CDC42EP3: variants seen among roughly 807,000 people sequenced by gnomAD.
CDC42EP3 encodes CDC42 effector protein (Rho GTPase binding) 3.
CDC42EP3 carries 4 observed loss-of-function variants against 15.5 expected under a neutral mutation model. The ratio of observed to expected loss-of-function variants is 0.26; its 90% CI spans 0.13 to 0.59. The LOEUF (loss-of-function observed/expected upper bound fraction) is 0.59. Ranked by LOEUF, CDC42EP3 falls within the 20% of genes least tolerant of loss-of-function variation. CDC42EP3 has a pLI of 0.89. For missense variants in CDC42EP3, 309 were observed against 311.2 expected (o/e 0.99, Z 0.05); for synonymous variants, 145 against 130.3 (o/e 1.11, Z -0.77).
Position 37,649,445 on chromosome 2 carries a change from C to CAA in CDC42EP3, c.-235-2625_-235-2624dup, listed in dbSNP as rs57232687. Among the ~76,000 whole-genome samples the CAA allele has an allele frequency of 1.2e-3, 56 of 48,174 alleles. 1 individual carries two copies. Among genetic ancestry groups the CAA allele is most frequent in the African/African-American group, 2.7e-3 (37 of 13,554 alleles). 31.6% of individuals were successfully genotyped at this position (48,174 alleles called of 152,430 possible). A position where few individuals can be genotyped will look rare whatever the true frequency, so the allele number is the denominator to read the frequency against. On this transcript the variant is annotated intron_variant, in intron 1 of 1. Transcript: ENST00000295324. ...ACTACAGCCTAGCAAGGCCTTGTCT[C>CAA]AAAAAAAAAAAAAAAAAAAAAAAAA... is the stretch of plus-strand genomic sequence containing the variant.
chr2:37,669,253 AATC>A (rs1666334572), intron 1 of CDC42EP3, among the ~76,000 whole-genome samples: 1 of 144,386 alleles, frequency 6.9e-6, no homozygotes, highest in South Asian at 2.1e-4. Context: ...AAAAAAAAAA[AATC>A]TTTGGGTGAT....
chr2:37,660,988 A>C (rs1180906911), intron 1 of CDC42EP3, among the ~76,000 whole-genome samples: 6 of 152,194 alleles, frequency 3.9e-5, no homozygotes, highest in Non-Finnish European at 7.3e-5. Context: ...GAAGAGCCTA[A>C]GGTCCTGAAA....
intron 1 of CDC42EP3, among the ~76,000 whole-genome samples, chr2:37,658,233 T>C (rs6709067): frequency 0.29 from 43,528 of 152,122 alleles, 6,728 homozygotes; most frequent in East Asian, 0.59. Flanking sequence ...ATACAGTCCA[T>C]GATGAGATAA....
At chr2:37,670,975 C>A (rs1666397658) in intron 1 of CDC42EP3, among the ~76,000 whole-genome samples, 1 of 152,236 alleles carries the variant, frequency 6.6e-6, no homozygotes, top group South Asian at 2.1e-4. Context: ...CTAACAATGT[C>A]CTCCATTAAG....
At chr2:37,657,001 C>CCCCCCCCCCCCCCCCCCCG (rs1208218676) in intron 1 of CDC42EP3, among the ~76,000 whole-genome samples, 9 of 103,266 alleles carry the variant, frequency 8.7e-5, no homozygotes, top group South Asian at 8.1e-4. Context: ...CCCCCCGCCC[C>CCCCCCCCCCCCCCCCCCCG]CCGCCATCCT....
chr2:37,653,796 T>C (rs573321633), intron 1 of CDC42EP3, among the ~76,000 whole-genome samples: 1 of 151,228 alleles, frequency 6.6e-6, no homozygotes, highest in African/African-American at 2.4e-5. Flanking sequence ...GCAAAACAGG[T>C]TGCAGTGTTA....
At chr2:37,669,498 G>C (rs1401586139) in intron 1 of CDC42EP3, among the ~76,000 whole-genome samples, 1 of 152,192 alleles carries the variant, frequency 6.6e-6, no homozygotes, top group African/African-American at 2.4e-5. Flanking sequence ...AGCAAAAAGT[G>C]TGCAACACTT....
chr2:37,642,265 A>C lies in CDC42EP3; in HGVS notation c.*3558T>G, dbSNP rs1053573099. ...GAAATACATGTATTGCTTAGCCAGT[A>C]CCAATAAGTTAACGTCGTGTGAATA... On this transcript the variant is annotated 3_prime_UTR_variant, in exon 2 of 2. Transcript: ENST00000295324. The C allele has an allele frequency of 5.9e-5, 9 of 152,240 alleles. No individual in the cohort carries two copies. The highest frequency in any genetic ancestry group is 2.2e-4 in the African/African-American group (9 of 41,464). The allele number at this position is 152,240 out of a possible 1,614,324, so 9.4% of individuals were successfully genotyped here. A position where few individuals can be genotyped will look rare whatever the true frequency, so the allele number is the denominator to read the frequency against.
At chr2:37,660,412 G>A (rs1346781275) in intron 1 of CDC42EP3, among the ~76,000 whole-genome samples, 2 of 152,118 alleles carry the variant, frequency 1.3e-5, no homozygotes, top group African/African-American at 2.4e-5. Context: ...TTCAGTTGGG[G>A]CTCTTCCAGC....
rs902143295 is a variant in CDC42EP3, at chr2:37,642,226, A to G, written c.*3597T>C. On this transcript the variant is annotated 3_prime_UTR_variant, in exon 2 of 2. Coordinates refer to ENST00000295324, the MANE Select transcript of CDC42EP3 (RefSeq NM_006449.5). ...GTGTCCATAAATCAACCAAAAGACCATCTCCTCCTTTAGGAAATACATGTA... is the reference window on the plus strand; with the variant it reads ...GTGTCCATAAATCAACCAAAAGACCGTCTCCTCCTTTAGGAAATACATGTA... 2 of 152,250 alleles carry G rather than the reference A, an allele frequency of 1.3e-5. No individual in the cohort carries two copies. Among genetic ancestry groups the G allele is most frequent in the African/African-American group, 4.8e-5 (2 of 41,460 alleles). The allele number at this position is 152,250 out of a possible 1,614,324, so 9.4% of individuals were successfully genotyped here.
Position 37,646,124 on chromosome 2 carries a change from T to C in CDC42EP3, c.464A>G (p.Glu155Gly), listed in dbSNP as rs771533753. 1 of 1,614,222 alleles carries C rather than the reference T, an allele frequency of 6.2e-7. No homozygotes were observed. Among genetic ancestry groups the C allele is most frequent in the South Asian group, 1.1e-5 (1 of 91,082 alleles). Residue 155 changes from glutamate (E) to glycine (G), a missense_variant, in exon 2 of 2, where the codon GAG becomes GGG. Physicochemically the swap from Glu to Gly is moderately conservative, Grantham distance 98. Transcript: ENST00000295324. ...CCCATTCTCCAACAGACTGCTTTTCTCCTGAGCTTTTTCCTCCATGACGGG... is the reference window on the plus strand; with the variant it reads ...CCCATTCTCCAACAGACTGCTTTTCCCCTGAGCTTTTTCCTCCATGACGGG... ...CEPVMEEKAQ[E>G]KSSLLENGTV... is the part of the protein sequence containing the mutation.
At chr2:37,659,160 G>C (rs1665975945) in intron 1 of CDC42EP3, among the ~76,000 whole-genome samples, 1 of 152,188 alleles carries the variant, frequency 6.6e-6, no homozygotes, top group South Asian at 2.1e-4. Flanking sequence ...CTGGGAGAGA[G>C]AACGGAGATC....
rs1003705715 is a variant in CDC42EP3 at position 37,671,591 on chromosome 2, G to A, written c.-401C>T. On this transcript the variant is annotated 5_prime_UTR_variant, in exon 1 of 2. Transcript: ENST00000295324. ...GCCCCAGGCCGGTGGCCGGGTCTCC[G>A]GGCTAGCCCCGCGCTGCGGTCCCCC... 3 of 152,188 alleles carry A rather than the reference G, an allele frequency of 2.0e-5. No individual in the cohort carries two copies. Among genetic ancestry groups the A allele is most frequent in the Non-Finnish European group, 4.4e-5 (3 of 68,004 alleles). 9.4% of individuals were successfully genotyped at this position (152,188 alleles called of 1,614,324 possible). A position where few individuals can be genotyped will look rare whatever the true frequency, so the allele number is the denominator to read the frequency against.
chr2:37,641,986 A>G lies in CDC42EP3; in HGVS notation c.*3837T>C, dbSNP rs571517761. On this transcript the variant is annotated 3_prime_UTR_variant, in exon 2 of 2. Transcript: ENST00000295324. ...TTCATTGTGTTATACATCACTTCATAAAGTAAGCATAGTTCCCATTCTTCC... is the reference window on the plus strand; with the variant it reads ...TTCATTGTGTTATACATCACTTCATGAAGTAAGCATAGTTCCCATTCTTCC... 1 of 152,318 alleles carries G rather than the reference A, an allele frequency of 6.6e-6. No individual in the cohort carries two copies. The highest frequency in any genetic ancestry group is 6.5e-5 in the Admixed American group (1 of 15,296). 9.4% of individuals were successfully genotyped at this position (152,318 alleles called of 1,614,324 possible). A position where few individuals can be genotyped will look rare whatever the true frequency, so the allele number is the denominator to read the frequency against.
intron 1 of CDC42EP3, among the ~76,000 whole-genome samples, chr2:37,650,320 T>A (rs897802516): frequency 6.6e-6 from 1 of 152,226 alleles, no homozygotes. Context: ...TTTCCCCTTC[T>A]GCTTCCTGGG....
In CDC42EP3 at chr2:37,660,114, A is replaced by G. The variant is rs148447745; in HGVS notation, c.-236+11312T>C. 2.9e-3 allele frequency among the ~76,000 whole-genome samples: 438 copies of G among 152,366 alleles called. 2 individuals are homozygous for G. The highest frequency in any genetic ancestry group is 0.01 in the African/African-American group (419 of 41,592). ...CTACAGTGCTATGTAAACACAAGGC[A>G]TTATCTTTTCCCCAAATGAGACCAG... On this transcript the variant is annotated intron_variant, in intron 1 of 1. Coordinates refer to ENST00000295324, the MANE Select transcript of CDC42EP3 (RefSeq NM_006449.5).
At chr2:37,657,001 C>CCCCTG (rs1208218676) in intron 1 of CDC42EP3, among the ~76,000 whole-genome samples, 2 of 103,278 alleles carry the variant, frequency 1.9e-5, no homozygotes, top group East Asian at 1.1e-3. Flanking sequence ...CCCCCCGCCC[C>CCCCTG]CCGCCATCCT....
chr2:37,652,635 G>A (rs998832042), intron 1 of CDC42EP3, among the ~76,000 whole-genome samples: 1 of 152,150 alleles, frequency 6.6e-6, no homozygotes, highest in Non-Finnish European at 1.5e-5. Flanking sequence ...CATGATCACA[G>A]CTCACTGCAG....
chr2:37,659,836 T>C (rs1193390114), intron 1 of CDC42EP3, among the ~76,000 whole-genome samples: 2 of 152,178 alleles, frequency 1.3e-5, no homozygotes, highest in Admixed American at 6.5e-5. Context: ...AGATCAGATA[T>C]GTGGGGAAAA....
Sources: allele counts gnomAD v4.1 joint callset (sites outside exome capture counted in the v4.1 genomes callset), GRCh38; gene constraint gnomAD v4.1.1; transcripts MANE v1.5; gene names NCBI Gene and HGNC (gene_info 2026-07-23, HGNC 2026-07-21).